The following CABLES1 variants were observed in gnomAD, a reference collection of about 807,000 sequenced individuals.
The protein encoded by CABLES1 is Cdk5 and Abl enzyme substrate 1.
In CABLES1, 36 loss-of-function variants were observed where a neutral mutation model predicts 57.8. The ratio of observed to expected loss-of-function variants is 0.62; its 90% CI spans 0.48 to 0.82. CABLES1 has a LOEUF of 0.82. Among genes scored for constraint, CABLES1 ranks in the 40% least tolerant of loss-of-function variants. The pLI is 0.00. For synonymous variants in CABLES1, 374 were observed against 363.0 expected (o/e 1.03, Z -0.35); for missense variants, 767 against 836.6 (o/e 0.92, Z 1.03).
chr18:23,192,115 C>A lies in CABLES1; in HGVS notation c.918-2333C>A, dbSNP rs115294267. Among the ~76,000 whole-genome samples the A allele has an allele frequency of 2.7e-3, 409 of 152,310 alleles. 1 individual carries two copies. The highest frequency in any genetic ancestry group is 9.6e-3 in the African/African-American group (398 of 41,556). On this transcript the variant is annotated intron_variant, in intron 2 of 9. Transcript: ENST00000256925. ...GTGGATTTCCTGTATCTACCTGTAA[C>A]TCCAAGAACTGAGCATGCGTCATGA...
intron 1 of CABLES1, among the ~76,000 whole-genome samples, chr18:23,174,511 G>A (rs924038944): frequency 4.0e-5 from 6 of 150,954 alleles, no homozygotes; most frequent in African/African-American, 1.2e-4. Flanking sequence ...TCGCTGTGTC[G>A]CCCAGGCTGG....
At chr18:23,216,232 T>A (rs936197964) in intron 4 of CABLES1, among the ~76,000 whole-genome samples, 6 of 152,226 alleles carry the variant, frequency 3.9e-5, no homozygotes, top group Non-Finnish European at 5.9e-5. Context: ...ACCCAAGTGC[T>A]CATCCCCATT....
intron 1 of CABLES1, among the ~76,000 whole-genome samples, chr18:23,139,112 T>C (rs2046841613): frequency 6.6e-6 from 1 of 152,154 alleles, no homozygotes; most frequent in South Asian, 2.1e-4. Context: ...AAAATTAGAA[T>C]GTCGGGCCGG....
intron 1 of CABLES1, among the ~76,000 whole-genome samples, chr18:23,159,262 G>T (rs2046986373): frequency 6.6e-6 from 1 of 152,274 alleles, no homozygotes; most frequent in Non-Finnish European, 1.5e-5. Context: ...ACTGCACCCG[G>T]CCTGGTCAGG....
chr18:23,151,123 C>A (rs1055998451), intron 1 of CABLES1, among the ~76,000 whole-genome samples: 3 of 150,254 alleles, frequency 2.0e-5, no homozygotes, highest in South Asian at 2.1e-4. Context: ...GGTTCACGCC[C>A]TTCTCCTGCC....
chr18:23,219,331 T>C, intron 4 of CABLES1: 1 of 454,098 alleles, frequency 2.2e-6, no homozygotes. Flanking sequence ...CTAAGCAATG[T>C]CTGATTAGAG....
intron 1 of CABLES1, among the ~76,000 whole-genome samples, chr18:23,167,468 A>T (rs1241140101): frequency 6.6e-6 from 1 of 152,238 alleles, no homozygotes; most frequent in Non-Finnish European, 1.5e-5. Flanking sequence ...ACAAGATGTC[A>T]TCCATATGGA....
At chr18:23,160,977 G>C (rs1440045600) in intron 1 of CABLES1, among the ~76,000 whole-genome samples, 1 of 152,126 alleles carries the variant, frequency 6.6e-6, no homozygotes, top group Admixed American at 6.6e-5. Flanking sequence ...AGGTTGCAGT[G>C]AGCCAAGATC....
At chr18:23,147,137 A>G (rs1478564738) in intron 1 of CABLES1, among the ~76,000 whole-genome samples, 2 of 152,228 alleles carry the variant, frequency 1.3e-5, no homozygotes, top group African/African-American at 2.4e-5. Flanking sequence ...AATTTTCCCA[A>G]TAACAACAGC....
intron 1 of CABLES1, among the ~76,000 whole-genome samples, chr18:23,160,496 C>T (rs1357100538): frequency 1.3e-5 from 2 of 152,182 alleles, no homozygotes; most frequent in African/African-American, 2.4e-5. Context: ...GCCTGCCTCA[C>T]GGCCCGCCTA....
chr18:23,189,713 C>G (rs770672688), intron 2 of CABLES1, among the ~76,000 whole-genome samples: 1 of 152,228 alleles, frequency 6.6e-6, no homozygotes, highest in Non-Finnish European at 1.5e-5. Flanking sequence ...CGCATCTGCA[C>G]CGTGCGTGCC....
chr18:23,187,567 A>G (rs982935357), intron 1 of CABLES1, among the ~76,000 whole-genome samples: 1 of 152,170 alleles, frequency 6.6e-6, no homozygotes, highest in African/African-American at 2.4e-5. Context: ...TTGTATTTTT[A>G]GTAAAGACAG....
At chr18:23,175,870 G>T (rs943795568) in intron 1 of CABLES1, among the ~76,000 whole-genome samples, 4 of 152,084 alleles carry the variant, frequency 2.6e-5, no homozygotes, top group African/African-American at 9.7e-5. Context: ...TCATTGAAGG[G>T]GTTTCAAAGA....
rs1282937529 is a variant in CABLES1 at position 23,257,209 on chromosome 18, A to C, written c.1762-18A>C. On this transcript the variant is annotated intron_variant, in intron 9 of 9. Coordinates refer to ENST00000256925, the MANE Select transcript of CABLES1 (RefSeq NM_001100619.3). ...TAATTTCAAAATGAACATGCTTTTG[A>C]TTTTCTTTTTGTTGCAGAAACTGGA... 1.2e-6 allele frequency: 2 copies of C among 1,605,380 alleles called. No homozygotes were observed. Among genetic ancestry groups the C allele is most frequent in the Non-Finnish European group, 1.7e-6 (2 of 1,178,094 alleles).
intron 1 of CABLES1, among the ~76,000 whole-genome samples, chr18:23,161,037 A>G (rs550156990): frequency 6.6e-6 from 1 of 151,864 alleles, no homozygotes; most frequent in South Asian, 2.1e-4. Context: ...AGACTCAAAA[A>G]AAAGAGAGAA....
In CABLES1 at chr18:23,194,525, A is replaced by G. The variant is rs758312922; in HGVS notation, c.995A>G (p.Asp332Gly). The change falls in exon 3 of 10, where the codon GAT becomes GGT. Residue 332 changes from aspartate (D) to glycine (G), a missense_variant. Asp to Gly is a moderately conservative substitution (Grantham distance 94). This residue lies in a region of CABLES1 where 529 missense variants were observed against 622.8 expected (regional missense o/e 0.85). Coordinates refer to ENST00000256925, the MANE Select transcript of CABLES1 (RefSeq NM_001100619.3). ...IHFIKNMRQH[D>G]TRNGRIVLIS... ...TTTATCAAGAACATGCGGCAACACG[A>G]TACCAGGAATGGCAGGTACTACATT... The G allele has an allele frequency of 1.9e-6, 3 of 1,610,526 alleles. No individual in the cohort carries two copies. The highest frequency in any genetic ancestry group is 2.2e-5 in the South Asian group (2 of 90,990).
chr18:23,243,880 A>G lies in CABLES1; in HGVS notation c.1446+6635A>G, dbSNP rs1018820098. 8.5e-5 allele frequency among the ~76,000 whole-genome samples: 13 copies of G among 152,128 alleles called. 1 individual carries two copies. The highest frequency in any genetic ancestry group is 3.9e-4 in the East Asian group (2 of 5,194). ...AGACCAAGACTCCGTTTCAAAAAAA[A>G]AAAAAAAAAACTAATACAAAACAAG... is the stretch of plus-strand genomic sequence containing the variant. On this transcript the variant is annotated intron_variant, in intron 7 of 9. Coordinates refer to ENST00000256925, the MANE Select transcript of CABLES1 (RefSeq NM_001100619.3).
intron 1 of CABLES1, among the ~76,000 whole-genome samples, chr18:23,150,207 G>GTTTTTTTTTTTTT (rs10638130): frequency 7.5e-5 from 8 of 106,674 alleles, no homozygotes; most frequent in African/African-American, 2.1e-4. Context: ...GTTGGTGTTT[G>GTTTTTTTTTTTTT]TTTTTTTTTT....
chr18:23,200,639 T>C (rs1398413572), intron 3 of CABLES1, among the ~76,000 whole-genome samples: 1 of 152,176 alleles, frequency 6.6e-6, no homozygotes, highest in African/African-American at 2.4e-5. Context: ...AGACGGTTTG[T>C]GTGGAGGTTG....
Sources: gnomAD v4.1 joint callset for allele counts (sites outside exome capture counted in the v4.1 genomes callset) on GRCh38, gnomAD v4.1.1 for gene constraint, gnomAD v4.1.1 regional missense constraint, MANE v1.5 for transcripts, NCBI Gene and HGNC (gene_info 2026-07-23, HGNC 2026-07-21) for gene names.